Variants in GRM8 observed in about 807,000 individuals in gnomAD.
GRM8 encodes metabotropic glutamate receptor 8.
A neutral mutation model predicts 87.2 loss-of-function variants in GRM8; 47 were observed. That is an observed-to-expected ratio of 0.54 (90% CI 0.43 to 0.69). The LOEUF is 0.69. GRM8 is among the 30% of genes least tolerant of loss of function. The pLI, the probability that GRM8 is intolerant of heterozygous loss-of-function variation, is 0.00. For missense variants in GRM8, 1,019 were observed against 1,139.2 expected (o/e 0.89, Z 1.52); for synonymous variants, 396 against 404.5 (o/e 0.98, Z 0.25).
intron 8 of GRM8, among the ~76,000 whole-genome samples, chr7:126,591,177 T>C (rs147372795): frequency 0.012 from 1,847 of 151,640 alleles, 36 homozygotes; most frequent in African/African-American, 0.042. Context: ...GATAAAGAGG[T>C]GGAAAAAGAC....
intron 7 of GRM8, among the ~76,000 whole-genome samples, chr7:126,760,479 G>A (rs1449362489): frequency 1.3e-5 from 2 of 152,096 alleles, no homozygotes; most frequent in Non-Finnish European, 2.9e-5. Flanking sequence ...AACAGAGGCA[G>A]GTAGAATTAC....
At chr7:126,730,210 G>T (rs1813439345) in intron 7 of GRM8, among the ~76,000 whole-genome samples, 1 of 152,122 alleles carries the variant, frequency 6.6e-6, no homozygotes, top group African/African-American at 2.4e-5. Flanking sequence ...TTGTGTCAAA[G>T]AAATAGTACT....
At chr7:126,439,598 C>T (rs140609276) in intron 10 of GRM8, among the ~76,000 whole-genome samples, 81 of 152,240 alleles carry the variant, frequency 5.3e-4, no homozygotes, top group South Asian at 1.2e-3. Context: ...ATTTACTACA[C>T]TATACTTTTT....
chr7:126,682,919 C>T (rs1181220217), intron 7 of GRM8, among the ~76,000 whole-genome samples: 2 of 152,092 alleles, frequency 1.3e-5, no homozygotes, highest in African/African-American at 2.4e-5. Flanking sequence ...CATAGTGGCA[C>T]GCCCCTGTAG....
chr7:126,820,906 G>A (rs545463121), intron 6 of GRM8, among the ~76,000 whole-genome samples: 10 of 152,358 alleles, frequency 6.6e-5, no homozygotes, highest in African/African-American at 2.2e-4. Flanking sequence ...TTTGAGAGCA[G>A]CCTGGGCAAA....
intron 3 of GRM8, among the ~76,000 whole-genome samples, chr7:127,040,825 T>C (rs1818361752): frequency 6.6e-6 from 1 of 152,172 alleles, no homozygotes; most frequent in South Asian, 2.1e-4. Flanking sequence ...TCAAAATGCC[T>C]CTTTCTTAAA....
intron 3 of GRM8, among the ~76,000 whole-genome samples, chr7:126,982,342 A>AG (rs1351724483): frequency 6.6e-6 from 1 of 152,200 alleles, no homozygotes; most frequent in Non-Finnish European, 1.5e-5. Flanking sequence ...AGACACACCC[A>AG]GGATCAATAC....
chr7:126,515,700 A>G (rs1812073787), intron 9 of GRM8, among the ~76,000 whole-genome samples: 1 of 152,028 alleles, frequency 6.6e-6, no homozygotes, highest in African/African-American at 2.4e-5. Flanking sequence ...TCCATCTTCA[A>G]AGCCAGCAAT....
intron 7 of GRM8, among the ~76,000 whole-genome samples, chr7:126,643,367 A>C: frequency 2.0e-5 from 2 of 101,630 alleles, no homozygotes; most frequent in East Asian, 2.9e-4. Context: ...GTTTGAAGCA[A>C]TGATCACTGT....
chr7:127,088,088 T>A (rs1823691723), intron 3 of GRM8, among the ~76,000 whole-genome samples: 2 of 152,216 alleles, frequency 1.3e-5, no homozygotes, highest in Admixed American at 1.3e-4. Context: ...TCAAACAAAA[T>A]GTCTATTTCT....
At chr7:127,213,283 A>G (rs2116647647) in intron 2 of GRM8, among the ~76,000 whole-genome samples, 1 of 152,326 alleles carries the variant, frequency 6.6e-6, no homozygotes, top group South Asian at 2.1e-4. Flanking sequence ...GCCACTAGCC[A>G]TATGTGGCTT....
At chr7:126,743,818 G>C (rs934939971) in intron 7 of GRM8, among the ~76,000 whole-genome samples, 5 of 151,926 alleles carry the variant, frequency 3.3e-5, no homozygotes, top group African/African-American at 1.2e-4. Flanking sequence ...CCTTTCCAGT[G>C]ATCTGCCAGG....
chr7:127,162,698 G>T (rs1378360204), intron 2 of GRM8, among the ~76,000 whole-genome samples: 1 of 152,170 alleles, frequency 6.6e-6, no homozygotes, highest in African/African-American at 2.4e-5. Context: ...CTGGAGGCTT[G>T]TCTTAAATGA....
At chr7:127,226,871 C>T (rs1797362922) in intron 2 of GRM8, among the ~76,000 whole-genome samples, 2 of 152,174 alleles carry the variant, frequency 1.3e-5, no homozygotes, top group South Asian at 4.1e-4. Context: ...GGCTTGCACG[C>T]CTCCTACGGG....
chr7:126,715,006 C>T (rs943736136), intron 7 of GRM8, among the ~76,000 whole-genome samples: 1 of 152,152 alleles, frequency 6.6e-6, no homozygotes, highest in Admixed American at 6.5e-5. Context: ...TAGGCAACCA[C>T]GGCTGCAGAT....
At chr7:126,818,343 T>G (rs1793983884) in intron 6 of GRM8, among the ~76,000 whole-genome samples, 1 of 152,164 alleles carries the variant, frequency 6.6e-6, no homozygotes, top group African/African-American at 2.4e-5. Context: ...AAATCTAAAT[T>G]TAATTTTCTG....
chr7:126,601,883 G>C (rs1797816221), intron 8 of GRM8, among the ~76,000 whole-genome samples: 1 of 141,662 alleles, frequency 7.1e-6, no homozygotes, highest in African/African-American at 2.5e-5. Context: ...TTTGTGGGTT[G>C]CCTGTTCACT....
At chr7:127,245,095 C>T (rs1798514623) in intron 1 of GRM8, among the ~76,000 whole-genome samples, 1 of 152,224 alleles carries the variant, frequency 6.6e-6, no homozygotes, top group Non-Finnish European at 1.5e-5. Flanking sequence ...AACAGCCTGA[C>T]CTCAGGCATT....
At chr7:126,853,979 T>C (rs1019339680) in intron 6 of GRM8, among the ~76,000 whole-genome samples, 5 of 152,126 alleles carry the variant, frequency 3.3e-5, no homozygotes, top group Non-Finnish European at 7.3e-5. Flanking sequence ...AAAACATAGC[T>C]GGAAGGAGGC....
Sources: allele counts gnomAD v4.1 joint callset (sites outside exome capture counted in the v4.1 genomes callset), GRCh38; gene constraint gnomAD v4.1.1; transcripts MANE v1.5; gene names NCBI Gene and HGNC (gene_info 2026-07-23, HGNC 2026-07-21).